ADAM18: variants seen among roughly 807,000 people sequenced by gnomAD.
The protein encoded by ADAM18 is disintegrin and metalloproteinase domain-containing protein 18.
A neutral mutation model predicts 94.4 loss-of-function variants in ADAM18; 117 were observed. That is an observed-to-expected ratio of 1.24 (90% CI 1.07 to 1.45). ADAM18 has a LOEUF of 1.45. Ranked by LOEUF, ADAM18 falls within the 40% of genes most tolerant of loss-of-function variation. The pLI, the probability that ADAM18 is intolerant of heterozygous loss-of-function variation, is 0.00. For missense variants in ADAM18, 936 were observed against 880.0 expected (o/e 1.06, Z -0.81); for synonymous variants, 327 against 291.6 (o/e 1.12, Z -1.24).
chr8:39,688,991 T>C (rs1821692197), intron 16 of ADAM18, among the ~76,000 whole-genome samples: 1 of 152,236 alleles, frequency 6.6e-6, no homozygotes, highest in South Asian at 2.1e-4. Flanking sequence ...TCCATGTTTC[T>C]TGGCTGCATG....
At position 39,680,137 on chromosome 8, in the gene ADAM18, T is replaced by C. The variant is rs879036199; in HGVS notation, c.1732T>C (p.Cys578Arg). Residue 578 changes from cysteine (C) to arginine (R), a missense_variant, in exon 16 of 20, where the codon TGT (cysteine) becomes CGT (arginine). By Grantham distance (180) the Cys-to-Arg change is radical. Coordinates refer to ENST00000265707, the MANE Select transcript of ADAM18 (RefSeq NM_014237.3). The part of the protein sequence containing the change: ...TVYSYIQDHV[C>R]VSIATGSSMR... ...TTATTCATATATTCAAGACCATGTA[T>C]GTGTATCTATAGCCACTGGTTCCTC... The C allele has an allele frequency of 5.0e-6, 8 of 1,613,758 alleles. No individual in the cohort carries two copies. The highest frequency in any genetic ancestry group is 3.3e-5 in the South Asian group (3 of 91,076).
intron 6 of ADAM18, among the ~76,000 whole-genome samples, chr8:39,622,761 CTT>C (rs1819650833): frequency 6.6e-6 from 1 of 152,060 alleles, no homozygotes; most frequent in Non-Finnish European, 1.5e-5. Context: ...AGTTACATAA[CTT>C]AATAGAAGGC....
chr8:39,599,266 T>A (rs1001875308), intron 2 of ADAM18, among the ~76,000 whole-genome samples: 5 of 152,210 alleles, frequency 3.3e-5, no homozygotes, highest in Non-Finnish European at 2.9e-5. Context: ...TATAAAAAAA[T>A]TTGTATAAAA....
intron 7 of ADAM18, 87 bp downstream of exon 7, chr8:39,629,526 C>A: frequency 1.2e-6 from 1 of 855,540 alleles, no homozygotes; most frequent in African/African-American, 1.8e-5. Context: ...TGTCTTCTTC[C>A]TTTTCTCTCT....
At chr8:39,624,803 GCTCT>G (rs963553603) in intron 6 of ADAM18, among the ~76,000 whole-genome samples, 2 of 152,066 alleles carry the variant, frequency 1.3e-5, no homozygotes, top group African/African-American at 4.8e-5. Context: ...CACCTCCCCT[GCTCT>G]CTCTTTCTCC....
At chr8:39,627,666 A>G (rs75608757) in intron 6 of ADAM18, among the ~76,000 whole-genome samples, 270 of 152,064 alleles carry the variant, frequency 1.8e-3, no homozygotes, top group Middle Eastern at 3.4e-3. Context: ...TTTTTTATCC[A>G]TTCTGCAAAT....
At chr8:39,693,672 TCTA>T (rs1821843830) in intron 17 of ADAM18, among the ~76,000 whole-genome samples, 2 of 151,280 alleles carry the variant, frequency 1.3e-5, no homozygotes, top group African/African-American at 4.8e-5. Flanking sequence ...TTGTTTTACT[TCTA>T]CTTTTTAGAT....
At chr8:39,671,470 T>TA (rs1464114174) in intron 14 of ADAM18, among the ~76,000 whole-genome samples, 1 of 152,160 alleles carries the variant, frequency 6.6e-6, no homozygotes, top group African/African-American at 2.4e-5. Context: ...CCTCATCTTT[T>TA]AAAAAAGAGG....
chr8:39,596,035 A>G (rs1029334881), intron 2 of ADAM18, among the ~76,000 whole-genome samples: 2 of 152,204 alleles, frequency 1.3e-5, no homozygotes, highest in African/African-American at 4.8e-5. Flanking sequence ...TCTAAAATAA[A>G]CTGTGTGTGT....
chr8:39,677,599 C>A, intron 15 of ADAM18, 63 bp downstream of exon 15: 1 of 1,231,378 alleles, frequency 8.1e-7, no homozygotes. Context: ...TATCAAGAGA[C>A]ACTAAGTAGT....
At chr8:39,605,769 C>A in intron 2 of ADAM18, 1 of 205,068 alleles carries the variant, frequency 4.9e-6, no homozygotes, top group South Asian at 7.6e-5. Flanking sequence ...TGAGTAAGTT[C>A]TTTAGTGGTG....
chr8:39,725,942 T>C (rs1472246296), intron 19 of ADAM18, among the ~76,000 whole-genome samples: 2 of 152,156 alleles, frequency 1.3e-5, no homozygotes, highest in South Asian at 2.1e-4. Context: ...TTTTCCATAA[T>C]GGCTATACCA....
At chr8:39,634,444 G>A (rs951799097) in intron 7 of ADAM18, among the ~76,000 whole-genome samples, 5 of 152,168 alleles carry the variant, frequency 3.3e-5, no homozygotes, top group African/African-American at 1.2e-4. Context: ...TTCGATGTGT[G>A]AGAGCTGAAA....
intron 2 of ADAM18, among the ~76,000 whole-genome samples, chr8:39,602,610 A>G (rs927959615): frequency 1.5e-4 from 23 of 152,128 alleles, no homozygotes; most frequent in Admixed American, 1.4e-3. Flanking sequence ...CCATCTGTAT[A>G]TCTTCTTTGT....
intron 15 of ADAM18, among the ~76,000 whole-genome samples, chr8:39,679,668 A>T (rs1322646002): frequency 6.6e-6 from 1 of 152,132 alleles, no homozygotes; most frequent in Non-Finnish European, 1.5e-5. Flanking sequence ...GCAATTAGCC[A>T]CTCTCAGCAA....
In ADAM18 at chr8:39,610,677, C is replaced by T. The variant is rs772863227; in HGVS notation, c.493C>T (p.Gln165Ter). 4.8e-5 allele frequency: 77 copies of T among 1,612,976 alleles called. No homozygotes were observed. Among genetic ancestry groups the T allele is most frequent in the Non-Finnish European group, 6.2e-5 (73 of 1,179,510 alleles). ...TTACAGTCATATTTGGCAGAAAGAC[C>T]AGCCCTACAAAGTTCCTTTAAACTC... is the stretch of plus-strand genomic sequence containing the variant. ...VNYSHIWQKD[Q>*]PYKVPLNSQI... The change falls in exon 6 of 20, where the codon CAG (glutamine) becomes TAG (stop). Residue 165 changes from glutamine (Q) to a stop codon, truncating the protein, a stop_gained. Coordinates refer to ENST00000265707, the MANE Select transcript of ADAM18 (RefSeq NM_014237.3). LOFTEE classifies it high-confidence loss of function.
intron 18 of ADAM18, among the ~76,000 whole-genome samples, chr8:39,714,366 C>A (rs1032059638): frequency 6.6e-6 from 1 of 152,016 alleles, no homozygotes. Context: ...TGCAGCAAAC[C>A]AACATAGCAC....
At chr8:39,680,531 C>T (rs1163909650) in intron 16 of ADAM18, among the ~76,000 whole-genome samples, 1 of 152,124 alleles carries the variant, frequency 6.6e-6, no homozygotes, top group African/African-American at 2.4e-5. Context: ...TTTCCATTTT[C>T]CTTGCTTCAC....
chr8:39,636,823 T>C (rs530359658), intron 7 of ADAM18, among the ~76,000 whole-genome samples: 11 of 151,794 alleles, frequency 7.2e-5, no homozygotes, highest in Middle Eastern at 3.4e-3. Context: ...AACCACCTTT[T>C]CACTTTGTTT....
Sources: allele counts gnomAD v4.1 joint callset (sites outside exome capture counted in the v4.1 genomes callset), GRCh38; gene constraint gnomAD v4.1.1; transcripts MANE v1.5; gene names NCBI Gene and HGNC (gene_info 2026-07-23, HGNC 2026-07-21).